LINC00305: variants seen among roughly 807,000 people sequenced by gnomAD.
LINC00305 encodes the protein long independently transcribed non-coding RNA 305, also known as long intergenic non-protein coding RNA 305.
intron 1 of LINC00305, among the ~76,000 whole-genome samples, chr18:64,144,961 C>T (rs1209028234): frequency 2.0e-5 from 3 of 152,078 alleles, no homozygotes; most frequent in African/African-American, 4.8e-5. Flanking sequence ...ATGGGGGTCG[C>T]CTGTCCTTAT....
At chr18:64,118,761 C>A in intron 1 of LINC00305, among the ~76,000 whole-genome samples, 1 of 151,848 alleles carries the variant, frequency 6.6e-6, no homozygotes, top group East Asian at 1.9e-4. Context: ...GGCTATCTTG[C>A]ACCACTCTAG....
chr18:64,119,184 T>G (rs1032806678), intron 1 of LINC00305, among the ~76,000 whole-genome samples: 4 of 152,104 alleles, frequency 2.6e-5, no homozygotes, highest in Admixed American at 2.0e-4. Flanking sequence ...AGATGTAGAC[T>G]CCTGCGGGTA....
At chr18:64,117,202 C>T (rs1431258181) in intron 1 of LINC00305, among the ~76,000 whole-genome samples, 1 of 152,214 alleles carries the variant, frequency 6.6e-6, no homozygotes. Context: ...AAGCCCTGAA[C>T]ACTTTCCTTA....
chr18:64,084,364 T>G (rs2144891107), intron 3 of LINC00305, among the ~76,000 whole-genome samples: 1 of 152,244 alleles, frequency 6.6e-6, no homozygotes, highest in Middle Eastern at 3.4e-3. Context: ...GACAAAATAG[T>G]TTGTACAACA....
At chr18:64,140,805 T>C (rs990738065) in intron 1 of LINC00305, among the ~76,000 whole-genome samples, 1 of 152,064 alleles carries the variant, frequency 6.6e-6, no homozygotes, top group African/African-American at 2.4e-5. Context: ...CCTGATATAA[T>C]CAAATGGGCT....
intron 1 of LINC00305, among the ~76,000 whole-genome samples, chr18:64,113,685 G>T (rs2051325169): frequency 6.6e-6 from 1 of 152,160 alleles, no homozygotes; most frequent in African/African-American, 2.4e-5. Flanking sequence ...CACCTGCAGG[G>T]AAAGGATGGC....
intron 1 of LINC00305, among the ~76,000 whole-genome samples, chr18:64,107,130 A>C (rs2051294523): frequency 6.6e-6 from 1 of 152,224 alleles, no homozygotes. Context: ...CCATGGAGAA[A>C]AGAGCTCAGA....
intron 1 of LINC00305, among the ~76,000 whole-genome samples, chr18:64,140,439 C>A (rs751067383): frequency 3.9e-5 from 6 of 152,148 alleles, no homozygotes; most frequent in African/African-American, 7.2e-5. Context: ...GAACACGTGA[C>A]CTCAGGTGAT....
intron 1 of LINC00305, among the ~76,000 whole-genome samples, chr18:64,127,802 A>G (rs2051391964): frequency 6.6e-6 from 1 of 152,078 alleles, no homozygotes; most frequent in South Asian, 2.1e-4. Flanking sequence ...CTGCATTGCT[A>G]TTCTCATCCA....
intron 1 of LINC00305, among the ~76,000 whole-genome samples, chr18:64,120,125 T>G (rs1388430169): frequency 2.0e-5 from 3 of 152,104 alleles, no homozygotes; most frequent in Non-Finnish European, 2.9e-5. Flanking sequence ...AGGGGGCATC[T>G]TTCAACAAAG....
chr18:64,136,140 T>C (rs1406623241), intron 1 of LINC00305, among the ~76,000 whole-genome samples: 2 of 152,196 alleles, frequency 1.3e-5, no homozygotes, highest in Non-Finnish European at 2.9e-5. Flanking sequence ...AGGTAGGCAG[T>C]TCCATAGGCT....
intron 1 of LINC00305, among the ~76,000 whole-genome samples, chr18:64,137,274 C>G (rs572630487): frequency 6.6e-6 from 1 of 152,152 alleles, no homozygotes; most frequent in Non-Finnish European, 1.5e-5. Flanking sequence ...TCGCTAGAGC[C>G]TTTGGATGGA....
At chr18:64,091,819 T>C (rs1312448220) in intron 3 of LINC00305, among the ~76,000 whole-genome samples, 1 of 152,252 alleles carries the variant, frequency 6.6e-6, no homozygotes, top group Non-Finnish European at 1.5e-5. Flanking sequence ...ATGTGATTAA[T>C]TTCCAAGTCC....
At chr18:64,111,746 A>C (rs2051315399) in intron 1 of LINC00305, among the ~76,000 whole-genome samples, 1 of 152,150 alleles carries the variant, frequency 6.6e-6, no homozygotes, top group Admixed American at 6.5e-5. Flanking sequence ...AACCTGCCTG[A>C]GTCAAGTCGT....
intron 1 of LINC00305, among the ~76,000 whole-genome samples, chr18:64,130,607 A>G (rs1290134111): frequency 6.6e-6 from 1 of 152,200 alleles, no homozygotes; most frequent in Admixed American, 6.6e-5. Context: ...TAATGGACTA[A>G]CTGAAATAAA....
chr18:64,080,961 T>A (rs1164572179), intron 3 of LINC00305, among the ~76,000 whole-genome samples: 2 of 152,228 alleles, frequency 1.3e-5, no homozygotes, highest in Non-Finnish European at 2.9e-5. Context: ...TCTAGTCCAA[T>A]TTTTTTATTG....
intron 1 of LINC00305, among the ~76,000 whole-genome samples, chr18:64,120,693 C>T (rs941454369): frequency 6.6e-6 from 1 of 152,088 alleles, no homozygotes; most frequent in Non-Finnish European, 1.5e-5. Flanking sequence ...GAGAGCAAGG[C>T]ATGAATGATA....
chr18:64,080,592 A>G (rs752624348), intron 3 of LINC00305, among the ~76,000 whole-genome samples: 1 of 152,218 alleles, frequency 6.6e-6, no homozygotes, highest in Admixed American at 6.5e-5. Flanking sequence ...CCAGGATTTT[A>G]TCATAGAATT....
intron 1 of LINC00305, among the ~76,000 whole-genome samples, chr18:64,100,327 T>C (rs541641577): frequency 5.3e-5 from 8 of 152,268 alleles, no homozygotes; most frequent in Non-Finnish European, 1.0e-4. Context: ...AAAAAGTCAA[T>C]TGGAGCTCTC....
Sources: allele counts gnomAD v4.1 joint callset (sites outside exome capture counted in the v4.1 genomes callset), GRCh38; gene constraint gnomAD v4.1.1; transcripts MANE v1.5; gene names NCBI Gene and HGNC (gene_info 2026-07-23, HGNC 2026-07-21).